The following ACO1 variants were observed in gnomAD, a reference collection of about 807,000 sequenced individuals.
ACO1 encodes the protein cytoplasmic aconitate hydratase.
In ACO1, 78 loss-of-function variants were observed where a neutral mutation model predicts 105.1. The observed-to-expected ratio is 0.74, with a 90% CI of 0.62 to 0.90. The LOEUF is 0.90. Among genes scored for constraint, ACO1 ranks in the 40% least tolerant of loss-of-function variants. The pLI, the probability that ACO1 is intolerant of heterozygous loss-of-function variation, is 0.00. For synonymous variants in ACO1, 364 were observed against 397.4 expected (o/e 0.92, Z 1.00); for missense variants, 965 against 1,111.1 (o/e 0.87, Z 1.87).
At position 32,424,701 on chromosome 9, in the gene ACO1, C is replaced by G. The variant is rs1404444863; in HGVS notation, c.1188+36C>G. On this transcript the variant is annotated intron_variant, in intron 10 of 20. Coordinates refer to ENST00000309951, the MANE Select transcript of ACO1 (RefSeq NM_002197.3). ...GCGGGAAGAGGTTGAATCCTCTCAA[C>G]TCTACCTCTTGCCTGGTTACTCAGC... 3 of 1,396,396 alleles carry G rather than the reference C, an allele frequency of 2.1e-6. No homozygotes were observed. The African/African-American group carries it at 4.3e-5, about 20-fold the overall frequency. 86.5% of individuals were successfully genotyped at this position (1,396,396 alleles called of 1,614,324 possible). A position where few individuals can be genotyped will look rare whatever the true frequency, so the allele number is the denominator to read the frequency against.
chr9:32,398,808 T>C (rs1157785405), intron 1 of ACO1, among the ~76,000 whole-genome samples: 2 of 152,156 alleles, frequency 1.3e-5, no homozygotes, highest in Non-Finnish European at 2.9e-5. Flanking sequence ...TTGCCCAGGC[T>C]GGTCTCAAAC....
chr9:32,438,162 A>T (rs1201906318), intron 18 of ACO1, among the ~76,000 whole-genome samples: 1 of 152,228 alleles, frequency 6.6e-6, no homozygotes, highest in Non-Finnish European at 1.5e-5. Flanking sequence ...AGGAAATAAG[A>T]CATGTTCCAG....
intron 2 of ACO1, among the ~76,000 whole-genome samples, chr9:32,406,048 G>C (rs1009054470): frequency 3.9e-5 from 6 of 152,002 alleles, no homozygotes; most frequent in Admixed American, 3.9e-4. Context: ...TTTCCAGATA[G>C]TATTGCTTAG....
intron 11 of ACO1, among the ~76,000 whole-genome samples, 166 bp from the exon 12 acceptor site, chr9:32,427,135 G>A (rs1245129845): frequency 6.6e-6 from 1 of 152,176 alleles, no homozygotes; most frequent in South Asian, 2.1e-4. Context: ...GGAGCCTTTA[G>A]ATTTCTGTTT....
chr9:32,415,247 G>A (rs888161012), intron 4 of ACO1, among the ~76,000 whole-genome samples: 1 of 152,170 alleles, frequency 6.6e-6, no homozygotes, highest in African/African-American at 2.4e-5. Flanking sequence ...TAAGAAAATG[G>A]GAAGCCATTG....
At chr9:32,445,564 TG>T in intron 19 of ACO1, 1 of 299,866 alleles carries the variant, frequency 3.3e-6, no homozygotes, top group South Asian at 2.6e-5. Flanking sequence ...AACCAGCTCC[TG>T]GATTCATTGA....
chr9:32,426,554 C>T lies in ACO1; in HGVS notation c.1348+557C>T, dbSNP rs139504026. Among the ~76,000 whole-genome samples the T allele has an allele frequency of 4.9e-3, 746 of 152,322 alleles. 6 individuals are homozygous for T. The highest frequency in any genetic ancestry group is 0.017 in the African/African-American group (690 of 41,568). ...AGCTCCTCTTATATCCATCCACAGA[C>T]CAGACAGTGTCAGCAGTTCCTTTCT... is the stretch of plus-strand genomic sequence containing the variant. On this transcript the variant is annotated intron_variant, in intron 11 of 20. Transcript: ENST00000309951.
At chr9:32,431,045 G>T (rs1450163964) in intron 14 of ACO1, among the ~76,000 whole-genome samples, 1 of 152,130 alleles carries the variant, frequency 6.6e-6, no homozygotes, top group African/African-American at 2.4e-5. Flanking sequence ...TTTACTTTTA[G>T]GAAATCATAA....
intron 18 of ACO1, among the ~76,000 whole-genome samples, chr9:32,437,495 C>T (rs1038163146): frequency 6.6e-6 from 1 of 152,174 alleles, no homozygotes; most frequent in African/African-American, 2.4e-5. Flanking sequence ...TAAAAAGATA[C>T]ATGTCGAATG....
chr9:32,448,848 C>A, intron 19 of ACO1, 48 bp from the exon 20 acceptor site: 2 of 1,607,504 alleles, frequency 1.2e-6, no homozygotes, highest in South Asian at 2.2e-5. Flanking sequence ...CCTGTGTATC[C>A]AAAGAAAAGA....
rs113056988 is a variant in ACO1, at chr9:32,421,915, G to A, written c.970+888G>A. 3.3e-4 allele frequency among the ~76,000 whole-genome samples: 50 copies of A among 152,164 alleles called. 1 individual carries two copies. The highest frequency in any genetic ancestry group is 1.1e-3 in the African/African-American group (47 of 41,440). On this transcript the variant is annotated intron_variant, in intron 8 of 20. Transcript: ENST00000309951. ...TCTTACAGACTCCAAATAAATCTTA[G>A]TCTTCTGCTGTAGCCTGAGGAAATT...
In ACO1 at chr9:32,423,415, C is replaced by T. The variant is rs1822019553; in HGVS notation, c.1067C>T (p.Thr356Ile). The T allele has an allele frequency of 6.3e-7, 1 of 1,592,426 alleles. No individual in the cohort carries two copies. Among genetic ancestry groups the T allele is most frequent in the Non-Finnish European group, 8.6e-7 (1 of 1,167,720 alleles). The change falls in exon 9 of 21, where the codon ACC becomes ATC. Residue 356 changes from threonine to isoleucine, a missense_variant. Transcript: ENST00000309951. ...FNDPSQDPDF[T>I]QVVELDLKTV... ...GACCCTTCTCAAGACCCAGACTTCA[C>T]CCAGGTATGAGAGTGCCTTCCACTG... is the stretch of plus-strand genomic sequence containing the variant.
chr9:32,408,471 C>A (rs1821662438), intron 3 of ACO1, 43 bp from the exon 4 acceptor site: 1 of 1,610,134 alleles, frequency 6.2e-7, no homozygotes, highest in African/African-American at 1.3e-5. Context: ...CAGTTACACA[C>A]ATTTAAGGCT....
chr9:32,420,607 C>CTT (rs1472253610), intron 7 of ACO1, among the ~76,000 whole-genome samples: 1 of 152,202 alleles, frequency 6.6e-6, no homozygotes, highest in East Asian at 1.9e-4. Context: ...GTGTGGTACT[C>CTT]TTAACTACAG....
rs889095395 is a variant in ACO1, at chr9:32,430,596, C to T, written c.1726+22C>T. On this transcript the variant is annotated intron_variant, in intron 14 of 20. Coordinates refer to ENST00000309951, the MANE Select transcript of ACO1 (RefSeq NM_002197.3). ...TTGGGTAAGATTTTGTTTGTGCAGC[C>T]ATAATTTTTTTCCAGTGAATTCAGA... is the stretch of plus-strand genomic sequence containing the variant. The T allele has an allele frequency of 2.0e-5, 31 of 1,570,852 alleles. No individual in the cohort carries two copies. The Admixed American group carries it at 4.8e-4, about 24-fold the overall frequency.
At chr9:32,433,648 G>T in intron 15 of ACO1, 80 bp from the exon 16 acceptor site, 1 of 1,062,452 alleles carries the variant, frequency 9.4e-7, no homozygotes. Context: ...CTTTTAGCTT[G>T]AATGTATGTT....
chr9:32,440,465 C>T lies in ACO1; in HGVS notation c.2248C>T (p.Leu750Phe). The change falls in exon 19 of 21, where the codon CTT becomes TTT. Residue 750 changes from leucine (L) to phenylalanine (F), a missense_variant and splice_region_variant. Transcript: ENST00000309951. ...QTIHLPSGEI[L>F]DVFDAAERYQ... ...TAAAACTTCCTTTTCTCTTCCTCAG[C>T]TTGATGTGTTTGATGCTGCTGAGCG... 2 of 1,613,732 alleles carry T rather than the reference C, an allele frequency of 1.2e-6. No homozygotes were observed. Among genetic ancestry groups the T allele is most frequent in the Non-Finnish European group, 1.7e-6 (2 of 1,179,776 alleles).
chr9:32,431,790 G>C lies in ACO1; in HGVS notation c.1798G>C (p.Glu600Gln). Reference sequence around the variant, plus strand: ...GACTAGAGACGAGATCCAGGCAGTGGAGCGTCAGTATGTCATCCCGGGGAT... The same window carrying C: ...GACTAGAGACGAGATCCAGGCAGTGCAGCGTCAGTATGTCATCCCGGGGAT... ...WPTRDEIQAV[E>Q]RQYVIPGMFK... Residue 600 changes from glutamate to glutamine, a missense_variant, in exon 15 of 21, where the codon GAG (glutamate) becomes CAG (glutamine). Coordinates refer to ENST00000309951, the MANE Select transcript of ACO1 (RefSeq NM_002197.3). The C allele has an allele frequency of 6.2e-7, 1 of 1,614,148 alleles. No homozygotes were observed. The highest frequency in any genetic ancestry group is 8.5e-7 in the Non-Finnish European group (1 of 1,180,014).
intron 1 of ACO1, among the ~76,000 whole-genome samples, chr9:32,395,263 G>C (rs938430733): frequency 6.6e-6 from 1 of 152,160 alleles, no homozygotes; most frequent in African/African-American, 2.4e-5. Flanking sequence ...ATCACTTGAG[G>C]TCAGAAGTTT....
Sources: gnomAD v4.1 joint callset for allele counts (sites outside exome capture counted in the v4.1 genomes callset) on GRCh38, gnomAD v4.1.1 for gene constraint, MANE v1.5 for transcripts, NCBI Gene and HGNC (gene_info 2026-07-23, HGNC 2026-07-21) for gene names.